Variants in CHCHD6 observed in about 807,000 individuals in gnomAD.
The protein encoded by CHCHD6 is coiled-coil-helix-coiled-coil-helix domain containing 6.
Under a neutral mutation model 32.3 loss-of-function variants are expected in CHCHD6, and 28 were observed. The ratio of observed to expected loss-of-function variants is 0.87; its 90% CI spans 0.64 to 1.19. The LOEUF is 1.19. Ranked by LOEUF, CHCHD6 falls within the 50% of genes most tolerant of loss-of-function variation. The probability of loss-of-function intolerance (pLI) is 0.00; values close to 1 mark genes in which losing one functional copy is unlikely to be tolerated. For missense variants in CHCHD6, 333 were observed against 307.0 expected (o/e 1.08, Z -0.63); for synonymous variants, 122 against 117.5 (o/e 1.04, Z -0.25).
At chr3:126,869,569 T>C (rs942989816) in intron 5 of CHCHD6, among the ~76,000 whole-genome samples, 2 of 152,118 alleles carry the variant, frequency 1.3e-5, no homozygotes, top group African/African-American at 4.8e-5. Flanking sequence ...CCTTTGTATT[T>C]CTTCTTTTGA....
intron 5 of CHCHD6, among the ~76,000 whole-genome samples, chr3:126,905,666 T>G (rs899571710): frequency 3.3e-5 from 5 of 149,926 alleles, no homozygotes; most frequent in African/African-American, 4.9e-5. Context: ...GGATGGGGGG[T>G]GTGTGAGGTG....
rs1937373887 is a variant in CHCHD6, at chr3:126,766,470, G to A, written c.411+33248G>A. The A allele has an allele frequency of 4.8e-5, 34 of 712,766 alleles. 1 individual carries two copies. The highest frequency in any genetic ancestry group is 4.5e-4 in the South Asian group (32 of 71,602). The allele number at this position is 712,766 out of a possible 1,614,324, so 44.2% of individuals were successfully genotyped here. A position where few individuals can be genotyped will look rare whatever the true frequency, so the allele number is the denominator to read the frequency against. The stretch of plus-strand genomic sequence containing the variant: ...GGCGGTTGTATTCTGGTAGTTTCTT[G>A]ATCTTCTCTTTCTCGGTCTCACTTT... On this transcript the variant is annotated intron_variant, in intron 4 of 7. Transcript: ENST00000290913.
intron 1 of CHCHD6, among the ~76,000 whole-genome samples, chr3:126,707,509 C>T (rs928348921): frequency 6.6e-6 from 1 of 152,184 alleles, no homozygotes; most frequent in African/African-American, 2.4e-5. Context: ...GCAGTCATGG[C>T]GCATATGTGT....
intron 1 of CHCHD6, among the ~76,000 whole-genome samples, chr3:126,712,183 G>A (rs1191726824): frequency 1.3e-5 from 2 of 152,226 alleles, no homozygotes; most frequent in Non-Finnish European, 2.9e-5. Context: ...CTCACTGTGT[G>A]TGAGAATGAC....
intron 4 of CHCHD6, among the ~76,000 whole-genome samples, chr3:126,782,491 TTTC>T (rs762888934): frequency 6.6e-5 from 10 of 152,212 alleles, no homozygotes; most frequent in Non-Finnish European, 1.3e-4. Flanking sequence ...TTTCATTAAA[TTTC>T]TTCAATGAAA....
At chr3:126,810,537 C>A (rs914481569) in intron 4 of CHCHD6, among the ~76,000 whole-genome samples, 3 of 152,118 alleles carry the variant, frequency 2.0e-5, no homozygotes, top group Non-Finnish European at 4.4e-5. Context: ...CTAATGAGAT[C>A]AAAATGTAGT....
chr3:126,841,261 A>G (rs1019048099), intron 4 of CHCHD6, among the ~76,000 whole-genome samples: 1 of 152,180 alleles, frequency 6.6e-6, no homozygotes, highest in Non-Finnish European at 1.5e-5. Context: ...TCCATGGTGT[A>G]TATGTGCCAC....
chr3:126,853,800 C>T (rs978933330), intron 5 of CHCHD6, among the ~76,000 whole-genome samples: 1 of 152,146 alleles, frequency 6.6e-6, no homozygotes, highest in Non-Finnish European at 1.5e-5. Context: ...TTTCACAGAG[C>T]AGTCTCATGC....
intron 2 of CHCHD6, among the ~76,000 whole-genome samples, chr3:126,728,895 A>G (rs1935658945): frequency 6.6e-6 from 1 of 152,260 alleles, no homozygotes. Flanking sequence ...AAGAGTCAGC[A>G]TAAATGGACT....
intron 5 of CHCHD6, among the ~76,000 whole-genome samples, chr3:126,911,692 A>G (rs1306666987): frequency 2.6e-5 from 4 of 152,238 alleles, no homozygotes; most frequent in South Asian, 2.1e-4. Context: ...CACATGTTCA[A>G]ACTGAGCTTG....
chr3:126,944,968 G>A (rs1472025041), intron 6 of CHCHD6, among the ~76,000 whole-genome samples: 1 of 152,238 alleles, frequency 6.6e-6, no homozygotes, highest in African/African-American at 2.4e-5. Context: ...TGAGGGCAGG[G>A]CAGAGGTTTC....
At chr3:126,730,255 T>C (rs909200026) in intron 2 of CHCHD6, among the ~76,000 whole-genome samples, 36 of 152,174 alleles carry the variant, frequency 2.4e-4, no homozygotes, top group African/African-American at 8.0e-4. Flanking sequence ...GGAGATGACC[T>C]GGATTCCAAA....
At chr3:126,935,324 C>T (rs1037374267) in intron 6 of CHCHD6, 6 of 190,528 alleles carry the variant, frequency 3.1e-5, no homozygotes, top group Admixed American at 2.6e-4. Context: ...CCCTCCTGAC[C>T]GCTTAGGTGA....
At chr3:126,743,216 A>T (rs1011975408) in intron 4 of CHCHD6, among the ~76,000 whole-genome samples, 8 of 152,308 alleles carry the variant, frequency 5.3e-5, no homozygotes, top group Non-Finnish European at 1.0e-4. Context: ...TGCTGTAGGA[A>T]GGGGGAGCCC....
intron 5 of CHCHD6, among the ~76,000 whole-genome samples, chr3:126,909,774 G>T: frequency 6.6e-6 from 1 of 152,120 alleles, no homozygotes. Context: ...CTGGTCATTG[G>T]GTGCTAATTA....
chr3:126,887,116 G>T (rs749908817), intron 5 of CHCHD6, among the ~76,000 whole-genome samples: 3 of 152,082 alleles, frequency 2.0e-5, no homozygotes, highest in Non-Finnish European at 4.4e-5. Flanking sequence ...TGTGTTCCTG[G>T]TCTTTATGCT....
In CHCHD6 at chr3:126,852,639, C is replaced by T. The variant is rs1941511691; in HGVS notation, c.412-8C>T. 6.2e-7 allele frequency: 1 copy of T among 1,612,368 alleles called. No homozygotes were observed. Among genetic ancestry groups the T allele is most frequent in the African/African-American group, 1.3e-5 (1 of 74,874 alleles). ...TGGCTAACGTGGGCTTTGTTCTCTT[C>T]CAAGCAGGCCAGGGAGCTGGAGAGC... On this transcript the variant is annotated splice_region_variant and splice_polypyrimidine_tract_variant and intron_variant, in intron 4 of 7. Transcript: ENST00000290913.
intron 6 of CHCHD6, among the ~76,000 whole-genome samples, chr3:126,924,994 T>A (rs2078302270): frequency 1.3e-5 from 2 of 152,282 alleles, no homozygotes; most frequent in African/African-American, 4.8e-5. Context: ...TCATTTCATG[T>A]GTTAGTGGGG....
chr3:126,874,123 G>A (rs1006898840), intron 5 of CHCHD6, among the ~76,000 whole-genome samples: 10 of 152,160 alleles, frequency 6.6e-5, no homozygotes, highest in South Asian at 2.1e-4. Context: ...ATGAAGTGCC[G>A]TCCCAGGAAC....
Sources: gnomAD v4.1 joint callset for allele counts (sites outside exome capture counted in the v4.1 genomes callset) on GRCh38, gnomAD v4.1.1 for gene constraint, MANE v1.5 for transcripts, NCBI Gene and HGNC (gene_info 2026-07-23, HGNC 2026-07-21) for gene names.